CTIF: variants seen among roughly 807,000 people sequenced by gnomAD.
CTIF encodes the protein CBP80/20-dependent translation initiation factor.
A neutral mutation model predicts 66.0 loss-of-function variants in CTIF; 21 were observed. The observed-to-expected ratio is 0.32, with a 90% CI of 0.23 to 0.46. The LOEUF (loss-of-function observed/expected upper bound fraction) is 0.46, where lower values mean the gene tolerates loss of function less well. Ranked by LOEUF, CTIF falls within the 20% of genes least tolerant of loss-of-function variation. CTIF has a pLI of 1.00. For synonymous variants in CTIF, 345 were observed against 326.4 expected, an observed-to-expected ratio of 1.06 and a Z score of -0.62; for missense variants, 739 against 812.7, an observed-to-expected ratio of 0.91 and a Z score of 1.10.
chr18:48,578,120 A>C (rs1173340440), intron 1 of CTIF, among the ~76,000 whole-genome samples: 1 of 152,142 alleles, frequency 6.6e-6, no homozygotes, highest in Non-Finnish European at 1.5e-5. Context: ...TAATAGTTTC[A>C]AGGTTCATCC....
chr18:48,827,286 G>C (rs1299376364), intron 10 of CTIF, among the ~76,000 whole-genome samples: 1 of 152,200 alleles, frequency 6.6e-6, no homozygotes, highest in East Asian at 1.9e-4. Flanking sequence ...TGGACACATT[G>C]CTTGCTAGAA....
intron 1 of CTIF, among the ~76,000 whole-genome samples, chr18:48,561,474 G>C (rs2089162870): frequency 6.6e-6 from 1 of 152,138 alleles, no homozygotes; most frequent in South Asian, 2.1e-4. Flanking sequence ...CAGCAACGGA[G>C]TCTTTCGCAG....
At chr18:48,756,117 A>C (rs913748765) in intron 7 of CTIF, 3 of 152,208 alleles carry the variant, frequency 2.0e-5, no homozygotes, top group Admixed American at 2.0e-4. Context: ...AGCAAGACAG[A>C]AAACTCGAGA....
intron 9 of CTIF, among the ~76,000 whole-genome samples, chr18:48,802,484 T>TG (rs1423222663): frequency 2.6e-5 from 4 of 152,130 alleles, no homozygotes; most frequent in African/African-American, 7.2e-5. Context: ...CTTGATGCCT[T>TG]GGGGGGTCCA....
At chr18:48,845,824 G>T (rs2069058458) in intron 10 of CTIF, among the ~76,000 whole-genome samples, 1 of 152,070 alleles carries the variant, frequency 6.6e-6, no homozygotes. Context: ...AAACCTGGGG[G>T]CTGGCCATCT....
At chr18:48,579,467 GA>G (rs1449167177) in intron 1 of CTIF, among the ~76,000 whole-genome samples, 2 of 152,164 alleles carry the variant, frequency 1.3e-5, no homozygotes, top group Admixed American at 6.5e-5. Context: ...TTTACATGTA[GA>G]TACCCAGTTG....
chr18:48,667,897 C>A (rs1029372217), intron 5 of CTIF, among the ~76,000 whole-genome samples: 1 of 152,222 alleles, frequency 6.6e-6, no homozygotes, highest in Non-Finnish European at 1.5e-5. Context: ...TAGAGTCCTG[C>A]TGTAGTGGGG....
intron 6 of CTIF, among the ~76,000 whole-genome samples, chr18:48,677,351 A>G (rs1051289484): frequency 1.3e-5 from 2 of 152,142 alleles, no homozygotes; most frequent in Admixed American, 6.5e-5. Flanking sequence ...TGTCCCAGGC[A>G]TTGTCTTATA....
intron 9 of CTIF, among the ~76,000 whole-genome samples, chr18:48,780,954 G>C (rs932390312): frequency 1.3e-5 from 2 of 152,190 alleles, no homozygotes; most frequent in African/African-American, 4.8e-5. Flanking sequence ...TAGCTGGCAT[G>C]ATTTTTCCTG....
intron 1 of CTIF, among the ~76,000 whole-genome samples, chr18:48,556,941 G>C (rs141358608): frequency 6.6e-6 from 1 of 152,318 alleles, no homozygotes; most frequent in East Asian, 1.9e-4. Flanking sequence ...TGGCATAACA[G>C]TGTCTACTTC....
chr18:48,724,015 G>A (rs2092364567), intron 7 of CTIF, among the ~76,000 whole-genome samples: 2 of 152,210 alleles, frequency 1.3e-5, no homozygotes, highest in African/African-American at 4.8e-5. Flanking sequence ...CACCCACGGG[G>A]GAAATTAAGA....
intron 3 of CTIF, among the ~76,000 whole-genome samples, chr18:48,645,417 G>C (rs1389912050): frequency 1.3e-5 from 2 of 152,144 alleles, no homozygotes; most frequent in Non-Finnish European, 2.9e-5. Context: ...TGTCACTGCT[G>C]TACCCCAGCC....
At chr18:48,792,099 T>C (rs1478895055) in intron 9 of CTIF, among the ~76,000 whole-genome samples, 1 of 152,050 alleles carries the variant, frequency 6.6e-6, no homozygotes, top group African/African-American at 2.4e-5. Flanking sequence ...CAAAAGGCTG[T>C]GGAGAAGGAA....
intron 9 of CTIF, among the ~76,000 whole-genome samples, chr18:48,786,586 A>C (rs1387037688): frequency 6.6e-6 from 1 of 152,156 alleles, no homozygotes; most frequent in East Asian, 1.9e-4. Context: ...AATCCCAGGC[A>C]CTCTAAGGAT....
chr18:48,675,038 T>TG (rs1568124970), intron 6 of CTIF, among the ~76,000 whole-genome samples: 2 of 7,556 alleles, frequency 2.6e-4, no homozygotes, highest in African/African-American at 1.0e-3. Flanking sequence ...ACTGATGGGG[T>TG]GGTGGGGGGT....
intron 10 of CTIF, among the ~76,000 whole-genome samples, chr18:48,838,848 G>C (rs1302385007): frequency 6.6e-6 from 1 of 152,164 alleles, no homozygotes. Context: ...GGCAGCAGCA[G>C]CCCCCAAACT....
chr18:48,752,862 G>T (rs571271655), intron 7 of CTIF, among the ~76,000 whole-genome samples: 90 of 152,342 alleles, frequency 5.9e-4, no homozygotes, highest in African/African-American at 2.1e-3. Flanking sequence ...ATACCATGAT[G>T]TCCCTTGGTT....
At chr18:48,582,306 A>G (rs1392424721) in intron 1 of CTIF, among the ~76,000 whole-genome samples, 1 of 151,986 alleles carries the variant, frequency 6.6e-6, no homozygotes, top group Non-Finnish European at 1.5e-5. Flanking sequence ...GAGGTCATGG[A>G]CCACGCATGG....
chr18:48,759,356 C>T (rs1024123120), intron 8 of CTIF, among the ~76,000 whole-genome samples: 7 of 152,090 alleles, frequency 4.6e-5, no homozygotes, highest in East Asian at 1.9e-4. Context: ...CCCCTACTGC[C>T]GACTCTCCTC....
Sources: allele counts gnomAD v4.1 joint callset (sites outside exome capture counted in the v4.1 genomes callset), GRCh38; gene constraint gnomAD v4.1.1; transcripts MANE v1.5; gene names NCBI Gene and HGNC (gene_info 2026-07-23, HGNC 2026-07-21).